The following RBFOX1 variants were observed in gnomAD, a reference collection of about 807,000 sequenced individuals.
The protein encoded by RBFOX1 is RNA binding fox-1 homolog 1.
RBFOX1 carries 8 observed loss-of-function variants against 57.7 expected under a neutral mutation model. The ratio of observed to expected loss-of-function variants is 0.14; its 90% CI spans 0.08 to 0.25. RBFOX1 has a LOEUF of 0.25. RBFOX1 is among the 10% of genes least tolerant of loss of function. The pLI is 1.00. For missense variants in RBFOX1, 611 were observed against 548.5 expected, an observed-to-expected ratio of 1.11 and a Z score of -1.14; for synonymous variants, 326 against 222.4, an observed-to-expected ratio of 1.47 and a Z score of -4.15.
At chr16:6,201,439 C>T (rs941364758) in intron 1 of RBFOX1, among the ~76,000 whole-genome samples, 1 of 152,092 alleles carries the variant, frequency 6.6e-6, no homozygotes, top group Non-Finnish European at 1.5e-5. Flanking sequence ...TAAGGATTCC[C>T]CTTTCTCCAC....
intron 3 of RBFOX1, among the ~76,000 whole-genome samples, chr16:7,002,112 C>G (rs2092870218): frequency 1.3e-5 from 2 of 150,324 alleles, no homozygotes; most frequent in African/African-American, 4.9e-5. Context: ...TTTTTTTTCT[C>G]ATGGGGTTGT....
intron 3 of RBFOX1, among the ~76,000 whole-genome samples, chr16:6,829,581 A>T (rs2092540131): frequency 1.3e-5 from 2 of 151,470 alleles, no homozygotes; most frequent in Non-Finnish European, 2.9e-5. Flanking sequence ...TAATCATGTG[A>T]GTAATATGAA....
At chr16:7,639,298 T>A (rs1434585130) in intron 11 of RBFOX1, among the ~76,000 whole-genome samples, 1 of 152,152 alleles carries the variant, frequency 6.6e-6, no homozygotes, top group East Asian at 1.9e-4. Flanking sequence ...CTCTAAAAGA[T>A]CCTCTGGGCT....
intron 1 of RBFOX1, among the ~76,000 whole-genome samples, chr16:6,140,544 C>G (rs1455251772): frequency 6.6e-6 from 1 of 152,096 alleles, no homozygotes; most frequent in Non-Finnish European, 1.5e-5. Context: ...CAGGATCATC[C>G]ATTCACATTC....
chr16:5,908,275 C>CAT (rs2058523116), intron 4 of RBFOX1, among the ~76,000 whole-genome samples: 1 of 147,476 alleles, frequency 6.8e-6, no homozygotes, highest in African/African-American at 2.5e-5. Context: ...CATATATATA[C>CAT]ATACATATAT....
chr16:5,388,189 C>G (rs753178298), intron 1 of RBFOX1, among the ~76,000 whole-genome samples: 11 of 152,156 alleles, frequency 7.2e-5, no homozygotes, highest in Non-Finnish European at 1.3e-4. Context: ...TTTGTGACAG[C>G]AGTAGCAGGA....
chr16:6,453,897 C>T (rs893806638), intron 2 of RBFOX1, among the ~76,000 whole-genome samples: 1 of 152,210 alleles, frequency 6.6e-6, no homozygotes, highest in Non-Finnish European at 1.5e-5. Context: ...TAGTAAAATG[C>T]CACAGACTGT....
intron 3 of RBFOX1, among the ~76,000 whole-genome samples, chr16:6,733,450 A>T (rs897514849): frequency 3.9e-5 from 6 of 152,222 alleles, no homozygotes; most frequent in African/African-American, 9.7e-5. Context: ...AAATTAAATT[A>T]AAAAAGGTTT....
intron 1 of RBFOX1, among the ~76,000 whole-genome samples, chr16:6,273,498 C>A (rs1025399113): frequency 3.3e-5 from 5 of 151,666 alleles, no homozygotes; most frequent in African/African-American, 1.2e-4. Flanking sequence ...GTACATGTCA[C>A]CATGTCCAGC....
At chr16:7,189,042 G>C (rs992265529) in intron 4 of RBFOX1, among the ~76,000 whole-genome samples, 1 of 152,020 alleles carries the variant, frequency 6.6e-6, no homozygotes, top group South Asian at 2.1e-4. Flanking sequence ...GAGGTGATAC[G>C]GAGTGATTTC....
intron 3 of RBFOX1, among the ~76,000 whole-genome samples, chr16:6,817,279 G>C (rs75669159): frequency 0.033 from 5,042 of 152,172 alleles, 206 homozygotes; most frequent in African/African-American, 0.09. Flanking sequence ...CCACCTTAAT[G>C]TGTCATAGCT....
intron 2 of RBFOX1, among the ~76,000 whole-genome samples, chr16:5,485,525 C>T (rs1414639833): frequency 6.6e-6 from 1 of 151,884 alleles, no homozygotes; most frequent in Non-Finnish European, 1.5e-5. Context: ...AATATGAAGC[C>T]CATACTAAAT....
chr16:6,581,801 G>A (rs1291400682), intron 2 of RBFOX1, among the ~76,000 whole-genome samples: 2 of 152,200 alleles, frequency 1.3e-5, no homozygotes, highest in Admixed American at 6.5e-5. Context: ...TTGGATGTGT[G>A]TCCCAGATTC....
At chr16:5,823,463 G>A (rs897900695) in intron 3 of RBFOX1, among the ~76,000 whole-genome samples, 6 of 152,164 alleles carry the variant, frequency 3.9e-5, no homozygotes, top group Non-Finnish European at 8.8e-5. Context: ...AATATAATAT[G>A]TGTCAGGCAC....
At chr16:5,539,734 T>G (rs2044856390) in intron 2 of RBFOX1, among the ~76,000 whole-genome samples, 1 of 152,180 alleles carries the variant, frequency 6.6e-6, no homozygotes, top group South Asian at 2.1e-4. Context: ...CCCACACCAT[T>G]GTGTTCTCAT....
At chr16:7,331,134 A>G (rs889285171) in intron 4 of RBFOX1, among the ~76,000 whole-genome samples, 3 of 152,208 alleles carry the variant, frequency 2.0e-5, no homozygotes, top group Admixed American at 1.3e-4. Flanking sequence ...TTATCTAGAA[A>G]TGCAATTATG....
At chr16:6,013,265 G>T (rs1346432550) in intron 4 of RBFOX1, among the ~76,000 whole-genome samples, 1 of 152,140 alleles carries the variant, frequency 6.6e-6, no homozygotes, top group African/African-American at 2.4e-5. Context: ...ATATAAACAA[G>T]CCTGCCCTAA....
chr16:6,211,188 CT>C (rs71142694), intron 1 of RBFOX1, among the ~76,000 whole-genome samples: 87 of 91,288 alleles, frequency 9.5e-4, no homozygotes, highest in African/African-American at 1.5e-3. Flanking sequence ...TTTTCTTCTT[CT>C]TTTTTTTTTT....
chr16:6,087,001 C>T (rs1305636003), intron 1 of RBFOX1, among the ~76,000 whole-genome samples: 1 of 152,166 alleles, frequency 6.6e-6, no homozygotes, highest in African/African-American at 2.4e-5. Flanking sequence ...AAGAGGAACC[C>T]TTCTCACAAT....
Sources: gnomAD v4.1 joint callset for allele counts (sites outside exome capture counted in the v4.1 genomes callset) on GRCh38, gnomAD v4.1.1 for gene constraint, MANE v1.5 for transcripts, NCBI Gene and HGNC (gene_info 2026-07-23, HGNC 2026-07-21) for gene names.